The following SHC3 variants were observed in gnomAD, a reference collection of about 807,000 sequenced individuals.
SHC3 encodes the protein SHC adaptor protein 3.
In SHC3, 15 loss-of-function variants were observed where a neutral mutation model predicts 60.4. The observed-to-expected ratio is 0.25, with a 90% CI of 0.17 to 0.38. The LOEUF (loss-of-function observed/expected upper bound fraction) is 0.38, where lower values mean the gene tolerates loss of function less well. Ranked by LOEUF, SHC3 falls within the 10% of genes least tolerant of loss-of-function variation. The probability of loss-of-function intolerance (pLI) is 1.00; values close to 1 mark genes in which losing one functional copy is unlikely to be tolerated. For missense variants in SHC3, 677 were observed against 786.1 expected (o/e 0.86, Z 1.66); for synonymous variants, 294 against 325.9 (o/e 0.90, Z 1.05).
intron 1 of SHC3, among the ~76,000 whole-genome samples, chr9:89,166,146 T>A (rs752238302): frequency 6.6e-6 from 1 of 152,142 alleles, no homozygotes; most frequent in Non-Finnish European, 1.5e-5. Context: ...CACACACATG[T>A]CCCATCCACA....
chr9:89,093,928 A>G (rs2118059298), intron 2 of SHC3, among the ~76,000 whole-genome samples: 2 of 152,074 alleles, frequency 1.3e-5, no homozygotes, highest in Middle Eastern at 3.4e-3. Context: ...ATATGGTGAA[A>G]CCCCATCTCT....
chr9:89,051,712 A>G (rs2117924069), intron 7 of SHC3, among the ~76,000 whole-genome samples: 1 of 152,338 alleles, frequency 6.6e-6, no homozygotes, highest in South Asian at 2.1e-4. Context: ...ACATAGACCC[A>G]AAGAGGTGAC....
intron 1 of SHC3, among the ~76,000 whole-genome samples, chr9:89,151,016 C>T (rs77287729): frequency 7.1e-6 from 1 of 140,604 alleles, no homozygotes; most frequent in African/African-American, 2.6e-5. Context: ...ATCTGCATGT[C>T]TTTTTTTTTT....
rs544319026 is a variant in SHC3 at position 89,095,664 on chromosome 9, A to C, written c.545+16892T>G. On this transcript the variant is annotated intron_variant, in intron 2 of 11. Coordinates refer to ENST00000375835, the MANE Select transcript of SHC3 (RefSeq NM_016848.6). Reference sequence around the variant, plus strand: ...GCAACTAAGTAAAAGCCAAAAAAAAACCATTATTCCCGGGAAAGCCACACA... The same window carrying C: ...GCAACTAAGTAAAAGCCAAAAAAAACCCATTATTCCCGGGAAAGCCACACA... Among the ~76,000 whole-genome samples, 43 of 152,220 alleles carry C rather than the reference A, an allele frequency of 2.8e-4. 1 individual carries two copies. Among genetic ancestry groups the C allele is most frequent in the African/African-American group, 6.3e-4 (26 of 41,526 alleles).
intron 1 of SHC3, among the ~76,000 whole-genome samples, chr9:89,130,962 T>G (rs1460269073): frequency 1.3e-5 from 2 of 151,932 alleles, no homozygotes; most frequent in Non-Finnish European, 2.9e-5. Flanking sequence ...AATCAATGAA[T>G]CCAGGAGCTG....
In SHC3 at chr9:89,008,514, G is replaced by A. The variant is rs1487272471; in HGVS notation, c.*4933C>T. 1 of 152,120 alleles carries A rather than the reference G, an allele frequency of 6.6e-6. No individual in the cohort carries two copies. The highest frequency in any genetic ancestry group is 1.9e-4 in the East Asian group (1 of 5,192). 9.4% of individuals were successfully genotyped at this position (152,120 alleles called of 1,614,324 possible). ...ACCTAGGGAGTCAGGAACTTGGCGG[G>A]GCCAGGGGGGTGGAAGGGCCTGCAA... is the stretch of plus-strand genomic sequence containing the variant. On this transcript the variant is annotated 3_prime_UTR_variant, in exon 12 of 12. Coordinates refer to ENST00000375835, the MANE Select transcript of SHC3 (RefSeq NM_016848.6).
At chr9:89,175,156 GTTCT>G (rs1438919994) in intron 1 of SHC3, among the ~76,000 whole-genome samples, 7 of 152,164 alleles carry the variant, frequency 4.6e-5, no homozygotes, top group African/African-American at 1.4e-4. Context: ...ATAGTTCCTT[GTTCT>G]TTCTTTTACG....
chr9:89,036,758 C>T (rs1366292281), intron 11 of SHC3, among the ~76,000 whole-genome samples: 2 of 151,756 alleles, frequency 1.3e-5, no homozygotes, highest in East Asian at 3.9e-4. Flanking sequence ...TTTTTTGAAA[C>T]AGAGTCTTTC....
Position 89,047,092 on chromosome 9 carries a change from T to C in SHC3, c.963-98A>G, listed in dbSNP as rs995612918. On this transcript the variant is annotated intron_variant, in intron 7 of 11. Coordinates refer to ENST00000375835, the MANE Select transcript of SHC3 (RefSeq NM_016848.6). ...AGCGCCTGTTATTAAGAAAAGAGAGTTTAGTCAGTGCCTCCTCAGCCATCC... is the reference window on the plus strand; with the variant it reads ...AGCGCCTGTTATTAAGAAAAGAGAGCTTAGTCAGTGCCTCCTCAGCCATCC... The C allele has an allele frequency of 2.4e-4, 315 of 1,309,710 alleles. 2 individuals carry two copies. Among genetic ancestry groups the C allele is most frequent in the Non-Finnish European group, 4.7e-5 (47 of 990,156 alleles). 81.1% of individuals were successfully genotyped at this position (1,309,710 alleles called of 1,614,324 possible).
chr9:89,064,738 G>C (rs1372044295), intron 6 of SHC3, among the ~76,000 whole-genome samples: 1 of 152,118 alleles, frequency 6.6e-6, no homozygotes, highest in African/African-American at 2.4e-5. Flanking sequence ...TAGCATTGGA[G>C]GGTAAGGTAG....
chr9:89,148,358 T>A (rs963022014), intron 1 of SHC3, among the ~76,000 whole-genome samples: 2 of 152,088 alleles, frequency 1.3e-5, no homozygotes, highest in African/African-American at 2.4e-5. Flanking sequence ...AAGAAAGGAG[T>A]AAAAAGTGCA....
chr9:89,172,592 G>GAC (rs1266246494), intron 1 of SHC3, among the ~76,000 whole-genome samples: 2 of 146,814 alleles, frequency 1.4e-5, no homozygotes, highest in Admixed American at 6.9e-5. Flanking sequence ...CACACACACA[G>GAC]ACACACACAC....
chr9:89,147,844 G>T (rs1051128007), intron 1 of SHC3, among the ~76,000 whole-genome samples: 7 of 152,104 alleles, frequency 4.6e-5, no homozygotes, highest in African/African-American at 1.7e-4. Context: ...GAAATGTTGA[G>T]TCGGTGTCAG....
intron 2 of SHC3, chr9:89,110,086 C>T (rs1825923987): frequency 2.0e-6 from 2 of 985,254 alleles, no homozygotes; most frequent in Non-Finnish European, 2.4e-6. Context: ...AAAAAGGAAA[C>T]ACCTTTCCAA....
intron 1 of SHC3, among the ~76,000 whole-genome samples, chr9:89,121,638 T>C (rs1456123846): frequency 6.6e-6 from 1 of 152,172 alleles, no homozygotes; most frequent in Non-Finnish European, 1.5e-5. Flanking sequence ...ACACAGTCAA[T>C]GTTGTGATAC....
At chr9:89,024,138 C>G (rs1826250057) in intron 11 of SHC3, among the ~76,000 whole-genome samples, 2 of 152,156 alleles carry the variant, frequency 1.3e-5, no homozygotes, top group African/African-American at 4.8e-5. Context: ...ATGGTCCAAT[C>G]AGAAACAAAC....
intron 11 of SHC3, among the ~76,000 whole-genome samples, chr9:89,025,681 T>C (rs1826284279): frequency 6.6e-6 from 1 of 152,186 alleles, no homozygotes; most frequent in Non-Finnish European, 1.5e-5. Context: ...AACAGAGACC[T>C]TAAGACTTCT....
At chr9:89,041,878 A>T in intron 10 of SHC3, 148 bp downstream of exon 10, 1 of 1,013,344 alleles carries the variant, frequency 9.9e-7, no homozygotes. Context: ...AAACAAACCC[A>T]ATCATCACCC....
chr9:89,068,824 G>T (rs1484060670), intron 5 of SHC3, among the ~76,000 whole-genome samples: 1 of 152,152 alleles, frequency 6.6e-6, no homozygotes, highest in Non-Finnish European at 1.5e-5. Context: ...ATTAAGACAG[G>T]TTTAAGAAGA....
Sources: allele counts gnomAD v4.1 joint callset (sites outside exome capture counted in the v4.1 genomes callset), GRCh38; gene constraint gnomAD v4.1.1; transcripts MANE v1.5; gene names NCBI Gene and HGNC (gene_info 2026-07-23, HGNC 2026-07-21).